SPARCL1: variants seen among roughly 807,000 people sequenced by gnomAD.
The protein encoded by SPARCL1 is SPARC like 1, also known as SPARC-like protein 1.
SPARCL1 carries 52 observed loss-of-function variants against 67.1 expected under a neutral mutation model. The ratio of observed to expected loss-of-function variants is 0.78; its 90% CI spans 0.62 to 0.98. The LOEUF (loss-of-function observed/expected upper bound fraction) is 0.98, where lower values mean the gene tolerates loss of function less well. SPARCL1 is among the 50% of genes least tolerant of loss of function. The pLI, the probability that SPARCL1 is intolerant of heterozygous loss-of-function variation, is 0.00. For synonymous variants in SPARCL1, 226 were observed against 267.8 expected, an observed-to-expected ratio of 0.84 and a Z score of 1.52; for missense variants, 717 against 782.4, an observed-to-expected ratio of 0.92 and a Z score of 1.00.
chr4:87,491,010 G>T, intron 5 of SPARCL1, 132 bp from the exon 6 acceptor site: 1 of 562,806 alleles, frequency 1.8e-6, no homozygotes. Context: ...AAATTTGGAA[G>T]TGGGAAGACA....
chr4:87,491,004 T>C, intron 5 of SPARCL1, 126 bp from the exon 6 acceptor site: 1 of 571,554 alleles, frequency 1.7e-6, no homozygotes, highest in African/African-American at 1.9e-5. Context: ...ATTTGCAAAT[T>C]TGGAAGTGGG....
In SPARCL1 at chr4:87,493,698, A is replaced by C; in HGVS notation, c.1102T>G (p.Phe368Val). ...SDDYFIPSQA[F>V]LEAERAQSIA... ...GATTGAGCTCTCTCGGCCTCCAGAAAGGCCTGGCTTGGGATGAAGTAGTCA... is the reference window on the plus strand; with the variant it reads ...GATTGAGCTCTCTCGGCCTCCAGAACGGCCTGGCTTGGGATGAAGTAGTCA... The change falls in exon 4 of 11, where the codon TTT (phenylalanine) becomes GTT (valine). Residue 368 changes from phenylalanine to valine, a missense_variant. Coordinates refer to ENST00000282470, the MANE Select transcript of SPARCL1 (RefSeq NM_004684.6). 6.2e-7 allele frequency: 1 copy of C among 1,614,162 alleles called. No individual in the cohort carries two copies. The highest frequency in any genetic ancestry group is 2.2e-5 in the East Asian group (1 of 44,874).
At chr4:87,511,391 C>T (rs959854438) in intron 1 of SPARCL1, among the ~76,000 whole-genome samples, 17 of 151,956 alleles carry the variant, frequency 1.1e-4, no homozygotes, top group Non-Finnish European at 2.5e-4. Context: ...AGAAGACAGA[C>T]GGTGGATTAG....
chr4:87,476,901 G>C (rs1723605918), intron 10 of SPARCL1, among the ~76,000 whole-genome samples: 2 of 152,156 alleles, frequency 1.3e-5, no homozygotes, highest in South Asian at 4.1e-4. Context: ...GGAAAGAAGG[G>C]TATACTTACA....
intron 7 of SPARCL1, among the ~76,000 whole-genome samples, chr4:87,483,121 T>TA (rs1723901812): frequency 6.7e-6 from 1 of 148,902 alleles, no homozygotes; most frequent in South Asian, 2.2e-4. Flanking sequence ...AGTTCTGAGA[T>TA]ACATGTGCAG....
intron 10 of SPARCL1, among the ~76,000 whole-genome samples, chr4:87,476,390 C>G (rs1460584243): frequency 2.6e-5 from 4 of 152,106 alleles, no homozygotes; most frequent in Non-Finnish European, 5.9e-5. Context: ...TGGTCACTCC[C>G]CTAGTTCAAG....
intron 1 of SPARCL1, among the ~76,000 whole-genome samples, chr4:87,510,113 A>C (rs1725285412): frequency 6.6e-6 from 1 of 152,226 alleles, no homozygotes; most frequent in South Asian, 2.1e-4. Context: ...CAAAGAAAAT[A>C]GTAGAAACTC....
In SPARCL1 at chr4:87,490,309, GC is replaced by G. The variant is rs766033477; in HGVS notation, c.1494del (p.His499IlefsTer22). 1 of 1,613,142 alleles carries G rather than the reference GC, an allele frequency of 6.2e-7. No individual in the cohort carries two copies. ...TKCRLEGTKKGHQLQLDYFGA... is the reference protein window; with the variant it reads ...TKCRLEGTKKXHQLQLDYFGA... ...CCAAAATAATCCAGCTGGAGTTGAT[GC>G]CCCTTTTTGGTCCCCTCCAGTCTGC... On this transcript the variant is annotated frameshift_variant, in exon 7 of 11. Transcript: ENST00000282470. LOFTEE classifies it high-confidence loss of function.
At chr4:87,499,433 T>C in intron 2 of SPARCL1, 88 bp downstream of exon 2, 1 of 1,042,514 alleles carries the variant, frequency 9.6e-7, no homozygotes, top group South Asian at 1.4e-5. Context: ...TTTCAAACCA[T>C]TATATAAGAA....
intron 1 of SPARCL1, 67 bp from the exon 2 acceptor site, chr4:87,499,652 C>T: frequency 9.0e-7 from 1 of 1,114,568 alleles, no homozygotes; most frequent in African/African-American, 1.6e-5. Flanking sequence ...GAAAGATAGT[C>T]TTAGCAAATA....
chr4:87,501,022 G>C (rs751222803), intron 1 of SPARCL1, among the ~76,000 whole-genome samples: 1 of 151,996 alleles, frequency 6.6e-6, no homozygotes, highest in Non-Finnish European at 1.5e-5. Flanking sequence ...AGCTTTTTAC[G>C]TACTTTTTTG....
At chr4:87,493,495 G>T (rs1295433819) in intron 4 of SPARCL1, 87 bp downstream of exon 4, 4 of 1,200,886 alleles carry the variant, frequency 3.3e-6, no homozygotes, top group Non-Finnish European at 4.7e-6. Context: ...CATCCATACA[G>T]GACACTGTGA....
chr4:87,485,570 C>T (rs1301631961), intron 7 of SPARCL1, among the ~76,000 whole-genome samples: 2 of 147,970 alleles, frequency 1.4e-5, no homozygotes, highest in East Asian at 4.0e-4. Context: ...CAGGATGATG[C>T]TGGCCTCATA....
chr4:87,526,628 G>A (rs2110272686), intron 1 of SPARCL1, among the ~76,000 whole-genome samples: 1 of 152,324 alleles, frequency 6.6e-6, no homozygotes, highest in East Asian at 1.9e-4. Flanking sequence ...TAGCCCAGAT[G>A]CATTGGACTC....
intron 1 of SPARCL1, among the ~76,000 whole-genome samples, chr4:87,527,318 G>A (rs1250291237): frequency 6.6e-6 from 1 of 151,984 alleles, no homozygotes; most frequent in Non-Finnish European, 1.5e-5. Flanking sequence ...TATTTATGGG[G>A]GTCTCCTTCT....
At position 87,479,435 on chromosome 4, in the gene SPARCL1, T is replaced by G; in HGVS notation, c.1961A>C (p.Lys654Thr). The G allele has an allele frequency of 6.2e-7, 1 of 1,613,152 alleles. No individual in the cohort carries two copies. Among genetic ancestry groups the G allele is most frequent in the Non-Finnish European group, 8.5e-7 (1 of 1,179,866 alleles). ...TTGGCTGGTGATGAATTTACCTTCT[T>G]TAATTCCAAAGCAGTGGCCCCACTC... is the stretch of plus-strand genomic sequence containing the variant. ...LKEWGHCFGIKEEDIDENLLF is the reference protein window; with the variant it reads ...LKEWGHCFGITEEDIDENLLF Residue 654 changes from lysine to threonine, a missense_variant, in exon 10 of 11, where the codon AAA (lysine) becomes ACA (threonine). Transcript: ENST00000282470.
At chr4:87,505,485 A>C (rs1725035501) in intron 1 of SPARCL1, among the ~76,000 whole-genome samples, 1 of 152,110 alleles carries the variant, frequency 6.6e-6, no homozygotes, top group Non-Finnish European at 1.5e-5. Context: ...TTCAATGTTT[A>C]CTTATTTATT....
rs780255129 is a variant in SPARCL1 at position 87,494,081 on chromosome 4, G to C, written c.719C>G (p.Ser240Cys). Residue 240 changes from serine (S) to cysteine (C), a missense_variant, in exon 4 of 11, where the codon TCT becomes TGT. Coordinates refer to ENST00000282470, the MANE Select transcript of SPARCL1 (RefSeq NM_004684.6). ...ATCAGACTCTTCCAAAATATCATCAGATTGGGTATTGTCTTCCTCCTGCTT... is the reference window on the plus strand; with the variant it reads ...ATCAGACTCTTCCAAAATATCATCACATTGGGTATTGTCTTCCTCCTGCTT... ...NSKQEEDNTQ[S>C]DDILEESDQP... 7.8e-5 allele frequency: 126 copies of C among 1,613,802 alleles called. No individual in the cohort carries two copies. The highest frequency in any genetic ancestry group is 1.6e-4 in the Middle Eastern group (1 of 6,082).
intron 7 of SPARCL1, among the ~76,000 whole-genome samples, chr4:87,489,124 T>C (rs542413395): frequency 3.3e-5 from 5 of 152,244 alleles, no homozygotes; most frequent in Admixed American, 1.3e-4. Context: ...GCATTCCAGG[T>C]GCCACTGGGA....
Sources: allele counts gnomAD v4.1 joint callset (sites outside exome capture counted in the v4.1 genomes callset), GRCh38; gene constraint gnomAD v4.1.1; transcripts MANE v1.5; gene names NCBI Gene and HGNC (gene_info 2026-07-23, HGNC 2026-07-21).